Variants in COL24A1 observed in about 807,000 individuals in gnomAD.
COL24A1 encodes collagen alpha-1(XXIV) chain.
In COL24A1, 224 loss-of-function variants were observed where a neutral mutation model predicts 253.9. The observed-to-expected ratio is 0.88, with a 90% CI of 0.79 to 0.99. The LOEUF (loss-of-function observed/expected upper bound fraction) is 0.99, where lower values mean the gene tolerates loss of function less well. Among genes scored for constraint, COL24A1 ranks in the 50% least tolerant of loss-of-function variants. The pLI is 0.00. For synonymous variants in COL24A1, 685 were observed against 673.7 expected (o/e 1.02, Z -0.26); for missense variants, 2,131 against 2,068.5 (o/e 1.03, Z -0.59).
At chr1:86,016,131 C>A (rs631935) in intron 19 of COL24A1, among the ~76,000 whole-genome samples, 47,151 of 151,602 alleles carry the variant, frequency 0.31, 7,848 homozygotes, top group Middle Eastern at 0.51. Context: ...TCACATCAGC[C>A]TCCCAAAGTG....
chr1:86,057,874 ATTT>A (rs1700775759), intron 10 of COL24A1, 54 bp downstream of exon 10: 5 of 1,475,232 alleles, frequency 3.4e-6, no homozygotes, highest in Non-Finnish European at 4.7e-6. Context: ...TGTTTTATAT[ATTT>A]CATTCTACTT....
chr1:86,065,228 T>C (rs946390679), intron 7 of COL24A1, among the ~76,000 whole-genome samples: 2 of 152,184 alleles, frequency 1.3e-5, no homozygotes, highest in Non-Finnish European at 1.5e-5. Flanking sequence ...TTTATTTATT[T>C]ACTTATTTTA....
chr1:85,984,874 C>T (rs1395631020), intron 20 of COL24A1, among the ~76,000 whole-genome samples: 1 of 151,840 alleles, frequency 6.6e-6, no homozygotes, highest in Non-Finnish European at 1.5e-5. Flanking sequence ...TCAAAGGCTG[C>T]TTTATCTTTG....
intron 24 of COL24A1, among the ~76,000 whole-genome samples, chr1:85,948,927 T>C (rs2100558479): frequency 6.6e-6 from 1 of 152,168 alleles, no homozygotes; most frequent in South Asian, 2.1e-4. Flanking sequence ...TGTACAACAT[T>C]AAAAAATACA....
At chr1:85,977,997 T>C (rs1013399635) in intron 20 of COL24A1, among the ~76,000 whole-genome samples, 1 of 152,062 alleles carries the variant, frequency 6.6e-6, no homozygotes, top group African/African-American at 2.4e-5. Flanking sequence ...AGGTAGCCTA[T>C]AAAGGAAAAC....
chr1:85,784,706 T>A (rs1461326110), intron 48 of COL24A1, among the ~76,000 whole-genome samples: 4 of 151,910 alleles, frequency 2.6e-5, no homozygotes, highest in Non-Finnish European at 4.4e-5. Flanking sequence ...TTATATGTGA[T>A]GGAACTTATA....
Position 86,073,845 on chromosome 1 carries a change from C to T in COL24A1, c.1708-10086G>A, listed in dbSNP as rs576088689. The stretch of plus-strand genomic sequence containing the variant: ...ATGCTTAAAGAAAAGAATTTTCAAC[C>T]CAGAATTTCATATCCAATCAAACTA... On this transcript the variant is annotated intron_variant, in intron 7 of 59. Transcript: ENST00000370571. Among the ~76,000 whole-genome samples, 181 of 152,194 alleles carry T rather than the reference C, an allele frequency of 1.2e-3. 3 individuals carry two copies. The highest frequency in any genetic ancestry group is 6.8e-3 in the Middle Eastern group (2 of 294).
chr1:85,884,637 AT>A (rs890750075), intron 32 of COL24A1, among the ~76,000 whole-genome samples: 39 of 152,180 alleles, frequency 2.6e-4, no homozygotes, highest in African/African-American at 8.9e-4. Context: ...GGAGTGGAAT[AT>A]TTCTCTTCCT....
At position 86,125,662 on chromosome 1, in the gene COL24A1, A is replaced by G. The variant is rs1275429489; in HGVS notation, c.674T>C (p.Ile225Thr). Reference protein sequence around the residue: ...FEGIVCQLDIIPSAEASADYC... With the variant: ...FEGIVCQLDITPSAEASADYC... ...GTCTGCAGATGCTTCTGCAGAAGGA[A>G]TAATATCTAACTGACATACTATTCC... The change falls in exon 3 of 60, where the codon ATT becomes ACT. Residue 225 changes from isoleucine (I) to threonine (T), a missense_variant. Physicochemically the swap from Ile to Thr is moderately conservative, Grantham distance 89. Transcript: ENST00000370571. 6.2e-7 allele frequency: 1 copy of G among 1,612,082 alleles called. No individual in the cohort carries two copies. The highest frequency in any genetic ancestry group is 8.5e-7 in the Non-Finnish European group (1 of 1,178,756).
chr1:85,736,752 T>A (rs185220435), intron 58 of COL24A1, among the ~76,000 whole-genome samples: 1 of 152,332 alleles, frequency 6.6e-6, no homozygotes, highest in African/African-American at 2.4e-5. Context: ...CAAGCTGGTT[T>A]AATCAGAAAA....
intron 20 of COL24A1, among the ~76,000 whole-genome samples, chr1:85,985,273 CA>C (rs780067672): frequency 6.6e-6 from 1 of 151,460 alleles, no homozygotes; most frequent in African/African-American, 2.4e-5. Flanking sequence ...TATATCCAGA[CA>C]AAAAATATGG....
intron 12 of COL24A1, among the ~76,000 whole-genome samples, chr1:86,037,217 C>T (rs982848825): frequency 6.6e-6 from 1 of 152,114 alleles, no homozygotes; most frequent in Non-Finnish European, 1.5e-5. Context: ...AAAGGATCTC[C>T]AAAGATTCCC....
At chr1:85,871,057 A>G (rs1680415926) in intron 35 of COL24A1, among the ~76,000 whole-genome samples, 1 of 152,224 alleles carries the variant, frequency 6.6e-6, no homozygotes, top group Non-Finnish European at 1.5e-5. Context: ...CCATCAGAGA[A>G]TACTACAAAC....
At chr1:86,020,356 G>A (rs940828063) in intron 18 of COL24A1, among the ~76,000 whole-genome samples, 5 of 151,998 alleles carry the variant, frequency 3.3e-5, no homozygotes, top group Admixed American at 3.3e-4. Context: ...GTGAGCCACC[G>A]CACGTGGCCC....
At chr1:86,106,683 A>C (rs542193520) in intron 5 of COL24A1, among the ~76,000 whole-genome samples, 11 of 152,368 alleles carry the variant, frequency 7.2e-5, no homozygotes, top group African/African-American at 2.4e-4. Context: ...TATGATAAAT[A>C]ATAGACCCAG....
chr1:85,832,832 A>T (rs2102142462), intron 43 of COL24A1, among the ~76,000 whole-genome samples: 1 of 150,704 alleles, frequency 6.6e-6, no homozygotes, highest in South Asian at 2.1e-4. Flanking sequence ...TTGGGCCGAG[A>T]CAATGGGGTT....
chr1:86,089,784 C>A (rs1403628369), intron 6 of COL24A1, among the ~76,000 whole-genome samples: 2 of 152,218 alleles, frequency 1.3e-5, no homozygotes, highest in African/African-American at 4.8e-5. Flanking sequence ...CTCGCCACTG[C>A]ACTCCAGCCT....
chr1:85,784,370 T>C lies in COL24A1; in HGVS notation c.4060-4A>G. 1 of 1,606,692 alleles carries C rather than the reference T, an allele frequency of 6.2e-7. No homozygotes were observed. The highest frequency in any genetic ancestry group is 1.1e-5 in the South Asian group (1 of 90,888). ...GACCAGGTAGCCCTTGTTCACCCTA[T>C]GGGTAGAACAAAGAAAAGCGATCTT... On this transcript the variant is annotated splice_polypyrimidine_tract_variant and splice_region_variant and intron_variant, in intron 48 of 59. Transcript: ENST00000370571.
chr1:85,793,644 T>C (rs191575164), intron 47 of COL24A1, among the ~76,000 whole-genome samples: 35 of 152,286 alleles, frequency 2.3e-4, no homozygotes, highest in African/African-American at 8.4e-4. Flanking sequence ...TTGTTTTAAT[T>C]TTCCATGAGC....
Sources: allele counts gnomAD v4.1 joint callset (sites outside exome capture counted in the v4.1 genomes callset), GRCh38; gene constraint gnomAD v4.1.1; transcripts MANE v1.5; gene names NCBI Gene and HGNC (gene_info 2026-07-23, HGNC 2026-07-21).